The following IQSEC1 variants were observed in gnomAD, a reference collection of about 807,000 sequenced individuals.
IQSEC1 encodes the protein IQ motif and SEC7 domain-containing protein 1.
IQSEC1 carries 31 observed loss-of-function variants against 91.0 expected under a neutral mutation model. That is an observed-to-expected ratio of 0.34 (90% CI 0.26 to 0.46). The LOEUF is 0.46. Among genes scored for constraint, IQSEC1 ranks in the 20% least tolerant of loss-of-function variants. The pLI, the probability that IQSEC1 is intolerant of heterozygous loss-of-function variation, is 1.00. For synonymous variants in IQSEC1, 699 were observed against 662.6 expected (o/e 1.05, Z -0.84); for missense variants, 1,388 against 1,575.6 (o/e 0.88, Z 2.02).
intron 1 of IQSEC1, among the ~76,000 whole-genome samples, chr3:12,955,981 T>A (rs1699880199): frequency 6.6e-6 from 1 of 152,194 alleles, no homozygotes; most frequent in South Asian, 2.1e-4. Context: ...TTTCAAAAAC[T>A]AGAACGAATC....
intron 2 of IQSEC1, among the ~76,000 whole-genome samples, chr3:13,161,250 G>A (rs1310871387): frequency 6.6e-6 from 1 of 152,130 alleles, no homozygotes; most frequent in African/African-American, 2.4e-5. Context: ...GGCGTCCAGG[G>A]ACCACCAGGG....
chr3:12,985,782 G>A (rs538704767), intron 1 of IQSEC1, among the ~76,000 whole-genome samples: 1 of 152,240 alleles, frequency 6.6e-6, no homozygotes, highest in South Asian at 2.1e-4. Context: ...TTTCTAGGGG[G>A]GCACATACAT....
chr3:13,009,188 G>A (rs1233245945), intron 1 of IQSEC1, among the ~76,000 whole-genome samples: 1 of 152,176 alleles, frequency 6.6e-6, no homozygotes. Context: ...TTTTACAGAT[G>A]TCAAACTGAG....
At chr3:13,167,018 T>C (rs987847628) in intron 1 of IQSEC1, among the ~76,000 whole-genome samples, 3 of 152,172 alleles carry the variant, frequency 2.0e-5, no homozygotes, top group African/African-American at 7.2e-5. Context: ...TGTGCGTGTG[T>C]GCATGTGCAA....
chr3:13,108,439 C>T (rs539636876), intron 2 of IQSEC1, among the ~76,000 whole-genome samples: 53 of 152,156 alleles, frequency 3.5e-4, no homozygotes, highest in African/African-American at 1.2e-3. Flanking sequence ...TCAGTGCAAG[C>T]GCCTGCACTG....
rs1693844935 is a variant in IQSEC1 at position 12,898,258 on chromosome 3, G to C, written c.*2725C>G. 1.3e-5 allele frequency: 2 copies of C among 152,288 alleles called. No individual in the cohort carries two copies. Among genetic ancestry groups the C allele is most frequent in the African/African-American group, 4.8e-5 (2 of 41,478 alleles). The allele number at this position is 152,288 out of a possible 1,614,324, so 9.4% of individuals were successfully genotyped here. A position where few individuals can be genotyped will look rare whatever the true frequency, so the allele number is the denominator to read the frequency against. ...GGACACCAGCTCACTGGGAGCTTTT[G>C]CTTTCCCAAACAAGATGTGGGCAGC... On this transcript the variant is annotated 3_prime_UTR_variant, in exon 14 of 14. Transcript: ENST00000613206.
intron 1 of IQSEC1, among the ~76,000 whole-genome samples, chr3:13,032,733 G>A (rs1022562871): frequency 9.9e-5 from 15 of 152,010 alleles, no homozygotes; most frequent in Non-Finnish European, 2.1e-4. Context: ...ACAGGCGCCC[G>A]CCACCACACC....
chr3:13,208,554 G>T (rs536879592), intron 1 of IQSEC1, among the ~76,000 whole-genome samples: 12 of 152,228 alleles, frequency 7.9e-5, no homozygotes, highest in African/African-American at 2.9e-4. Context: ...ACCCACATCT[G>T]CCTTGGTCCC....
At chr3:13,273,043 C>T (rs1369957308) in intron 1 of IQSEC1, among the ~76,000 whole-genome samples, 3 of 152,198 alleles carry the variant, frequency 2.0e-5, no homozygotes, top group Non-Finnish European at 4.4e-5. Flanking sequence ...CAGTTACATA[C>T]ATCAAGGATG....
intron 1 of IQSEC1, among the ~76,000 whole-genome samples, chr3:12,955,691 G>T (rs868037806): frequency 2.6e-5 from 4 of 152,242 alleles, no homozygotes; most frequent in Admixed American, 2.6e-4. Flanking sequence ...AGCCTTTAAA[G>T]AGAGGGGCTG....
At chr3:13,152,981 G>C (rs1707024922) in intron 2 of IQSEC1, among the ~76,000 whole-genome samples, 1 of 152,130 alleles carries the variant, frequency 6.6e-6, no homozygotes, top group African/African-American at 2.4e-5. Flanking sequence ...GCACCTTCCA[G>C]TGAATACCTC....
At chr3:13,082,884 C>T (rs531945483) in intron 2 of IQSEC1, among the ~76,000 whole-genome samples, 386 of 152,342 alleles carry the variant, frequency 2.5e-3, no homozygotes, top group African/African-American at 9.1e-3. Flanking sequence ...AAGCTCTTCC[C>T]GGCCCCAGGG....
intron 3 of IQSEC1, among the ~76,000 whole-genome samples, chr3:12,933,066 T>C (rs1181289768): frequency 6.6e-6 from 1 of 152,154 alleles, no homozygotes; most frequent in Non-Finnish European, 1.5e-5. Flanking sequence ...ACTGCTTCGT[T>C]GCTAGGAAGG....
intron 1 of IQSEC1, among the ~76,000 whole-genome samples, chr3:13,243,604 C>A (rs540883484): frequency 6.6e-6 from 1 of 152,212 alleles, no homozygotes; most frequent in South Asian, 2.1e-4. Flanking sequence ...CAAGCGGATG[C>A]GCTGGGCCAG....
intron 1 of IQSEC1, among the ~76,000 whole-genome samples, chr3:12,985,880 A>T (rs1044112985): frequency 1.3e-4 from 20 of 152,166 alleles, no homozygotes; most frequent in Non-Finnish European, 2.6e-4. Flanking sequence ...ATAGATCTAA[A>T]CCCATACATA....
At chr3:12,937,979 G>A (rs915317507) in intron 2 of IQSEC1, among the ~76,000 whole-genome samples, 10 of 152,154 alleles carry the variant, frequency 6.6e-5, no homozygotes, top group East Asian at 3.9e-4. Flanking sequence ...GTGCTTCAGC[G>A]GGACACACAG....
chr3:13,073,113 G>A lies in IQSEC1; in HGVS notation c.-99C>T, dbSNP rs1162305143. ...AGGCGGCTCAGGCAAGAAGTGGAGG[G>A]GAATAAAATTAAATCGCGGGGCGAG... On this transcript the variant is annotated 5_prime_UTR_variant, in exon 1 of 14. Coordinates refer to ENST00000613206, the MANE Select transcript of IQSEC1 (RefSeq NM_001134382.3). The A allele has an allele frequency of 1.1e-5, 16 of 1,416,690 alleles. No individual in the cohort carries two copies. The highest frequency in any genetic ancestry group is 5.0e-5 in the East Asian group (2 of 40,050). 87.8% of individuals were successfully genotyped at this position (1,416,690 alleles called of 1,614,324 possible).
intron 2 of IQSEC1, among the ~76,000 whole-genome samples, chr3:12,937,058 G>A (rs1261265014): frequency 3.3e-5 from 5 of 151,664 alleles, no homozygotes; most frequent in Admixed American, 6.6e-5. Flanking sequence ...TCAACCTCCC[G>A]AGTAGCTGGG....
intron 1 of IQSEC1, among the ~76,000 whole-genome samples, chr3:13,254,282 C>T (rs1184369460): frequency 2.0e-5 from 3 of 152,362 alleles, no homozygotes; most frequent in South Asian, 2.1e-4. Flanking sequence ...ACCCTGGGGA[C>T]GCACTGGGGT....
Sources: allele counts gnomAD v4.1 joint callset (sites outside exome capture counted in the v4.1 genomes callset), GRCh38; gene constraint gnomAD v4.1.1; transcripts MANE v1.5; gene names NCBI Gene and HGNC (gene_info 2026-07-23, HGNC 2026-07-21).